Variants in SLC25A16 observed in about 807,000 individuals in gnomAD.
SLC25A16 encodes mitochondrial coenzyme A transporter SLC25A16.
In SLC25A16, 39 loss-of-function variants were observed where a neutral mutation model predicts 41.5. The observed-to-expected ratio is 0.94, with a 90% CI of 0.73 to 1.23. The LOEUF (loss-of-function observed/expected upper bound fraction) is 1.23. Among genes scored for constraint, SLC25A16 ranks in the 50% most tolerant of loss-of-function variants. The pLI is 0.00. For synonymous variants in SLC25A16, 146 were observed against 147.8 expected (o/e 0.99, Z 0.09); for missense variants, 421 against 426.9 (o/e 0.99, Z 0.12).
chr10:68,500,440 T>C (rs1377950992), intron 4 of SLC25A16, among the ~76,000 whole-genome samples: 3 of 152,048 alleles, frequency 2.0e-5, no homozygotes, highest in African/African-American at 7.2e-5. Context: ...CCCACGTATC[T>C]GGGATTACAG....
chr10:68,505,351 G>GAAAGA (rs1192392088), intron 3 of SLC25A16, among the ~76,000 whole-genome samples: 147 of 150,228 alleles, frequency 9.8e-4, no homozygotes, highest in African/African-American at 3.3e-3. Flanking sequence ...TCTCAAAAAA[G>GAAAGA]AAAGAAAAGA....
In SLC25A16 at chr10:68,483,386, T is replaced by C. The variant is rs1453085871; in HGVS notation, c.*46A>G. On this transcript the variant is annotated 3_prime_UTR_variant, in exon 9 of 9. Transcript: ENST00000609923. ...CCCCACAATTATAGTAATGTTTCAT[T>C]TCTCCCTCTGAGAATGTATTAAGAA... 3 of 1,259,712 alleles carry C rather than the reference T, an allele frequency of 2.4e-6. No homozygotes were observed. The African/African-American group carries it at 4.5e-5, about 19-fold the overall frequency. 78.0% of individuals were successfully genotyped at this position (1,259,712 alleles called of 1,614,324 possible).
chr10:68,501,560 G>A (rs1368496333), intron 4 of SLC25A16, among the ~76,000 whole-genome samples: 1 of 151,152 alleles, frequency 6.6e-6, no homozygotes, highest in East Asian at 2.0e-4. Context: ...AGAATGAGGG[G>A]AGGGGAGAGG....
chr10:68,493,628 C>T, intron 4 of SLC25A16, 58 bp from the exon 5 acceptor site: 2 of 1,319,316 alleles, frequency 1.5e-6, no homozygotes, highest in Non-Finnish European at 2.2e-6. Flanking sequence ...ACATATATTC[C>T]CCTATCATTA....
intron 8 of SLC25A16, among the ~76,000 whole-genome samples, chr10:68,484,273 G>A (rs566117229): frequency 6.6e-6 from 1 of 152,098 alleles, no homozygotes; most frequent in Non-Finnish European, 1.5e-5. Flanking sequence ...AACAGCAGGT[G>A]GTTATAGAAC....
intron 4 of SLC25A16, among the ~76,000 whole-genome samples, chr10:68,502,860 A>G (rs2052875766): frequency 3.3e-5 from 1 of 29,930 alleles, no homozygotes; most frequent in Non-Finnish European, 5.8e-5. Flanking sequence ...GGGGAAGGGA[A>G]AGGAGGGGGA....
chr10:68,489,273 C>CACAAAACAAA (rs78729360), intron 6 of SLC25A16, among the ~76,000 whole-genome samples: 3 of 151,674 alleles, frequency 2.0e-5, no homozygotes, highest in East Asian at 3.9e-4. Context: ...CTGTCTCAAA[C>CACAAAACAAA]ACAAAACAAA....
At chr10:68,513,765 C>G (rs2053110739) in intron 2 of SLC25A16, among the ~76,000 whole-genome samples, 1 of 152,042 alleles carries the variant, frequency 6.6e-6, no homozygotes, top group Admixed American at 6.6e-5. Flanking sequence ...TGGCACACCC[C>G]TGTAATCCCA....
chr10:68,486,033 C>T (rs1006933207), intron 8 of SLC25A16, among the ~76,000 whole-genome samples: 8 of 150,968 alleles, frequency 5.3e-5, no homozygotes, highest in South Asian at 2.1e-4. Flanking sequence ...GCCTTGCCAA[C>T]GTGGTGAAAC....
chr10:68,487,479 C>T (rs1363738187), intron 7 of SLC25A16, among the ~76,000 whole-genome samples: 1 of 152,180 alleles, frequency 6.6e-6, no homozygotes, highest in Non-Finnish European at 1.5e-5. Context: ...AATTAAATGC[C>T]AGTTCCTGAA....
chr10:68,490,763 C>T (rs996315127), intron 6 of SLC25A16, among the ~76,000 whole-genome samples: 5 of 151,374 alleles, frequency 3.3e-5, no homozygotes, highest in African/African-American at 7.3e-5. Context: ...AAATGCTAAA[C>T]GTTAAAAATC....
At position 68,527,443 on chromosome 10, in the gene SLC25A16, A is replaced by T. The variant is rs1170395485; in HGVS notation, c.-68T>A. On this transcript the variant is annotated 5_prime_UTR_variant, in exon 1 of 9. Coordinates refer to ENST00000609923, the MANE Select transcript of SLC25A16 (RefSeq NM_152707.4). ...GAACACCGGACGGGACCATAGCCGG[A>T]ACAGGCGGTGACAGGAGGCTGACCG... 6.5e-6 allele frequency: 9 copies of T among 1,392,990 alleles called. No individual in the cohort carries two copies. In the Admixed American group the frequency reaches 9.9e-5, roughly 15 times the overall value. 86.3% of individuals were successfully genotyped at this position (1,392,990 alleles called of 1,614,324 possible). A position where few individuals can be genotyped will look rare whatever the true frequency, so the allele number is the denominator to read the frequency against.
At chr10:68,506,484 AT>A in intron 3 of SLC25A16, 100 bp downstream of exon 3, 1 of 818,640 alleles carries the variant, frequency 1.2e-6, no homozygotes, top group South Asian at 3.6e-5. Context: ...CTTTTTAAAA[AT>A]ATGAAACTTT....
intron 2 of SLC25A16, among the ~76,000 whole-genome samples, chr10:68,513,431 AAG>A (rs2053104395): frequency 6.6e-6 from 1 of 150,982 alleles, no homozygotes; most frequent in African/African-American, 2.5e-5. Flanking sequence ...GGAAAAAAAA[AAG>A]AAAAGAAAAG....
intron 8 of SLC25A16, among the ~76,000 whole-genome samples, chr10:68,486,045 C>A (rs2052554898): frequency 6.6e-6 from 1 of 151,026 alleles, no homozygotes; most frequent in African/African-American, 2.4e-5. Context: ...TGGTGAAACC[C>A]CGTCTCTCCT....
Position 68,482,384 on chromosome 10 carries a change from A to G in SLC25A16, c.*1048T>C, listed in dbSNP as rs1339383877. ...TTAAAACATTTTCTTAATATAAAGG[A>G]TAACAATTCAAATCATATTTTACAT... is the stretch of plus-strand genomic sequence containing the variant. On this transcript the variant is annotated 3_prime_UTR_variant, in exon 9 of 9. Transcript: ENST00000609923. 6.6e-6 allele frequency: 1 copy of G among 152,608 alleles called. No individual in the cohort carries two copies. The highest frequency in any genetic ancestry group is 1.9e-4 in the East Asian group (1 of 5,206). The allele number at this position is 152,608 out of a possible 1,614,324, so 9.5% of individuals were successfully genotyped here.
chr10:68,496,585 T>C (rs1464949472), intron 4 of SLC25A16: 1 of 984,088 alleles, frequency 1.0e-6, no homozygotes, highest in Non-Finnish European at 1.2e-6. Flanking sequence ...AACTCTTCTC[T>C]TTCCCTCTCT....
At chr10:68,500,439 C>G (rs1230810950) in intron 4 of SLC25A16, among the ~76,000 whole-genome samples, 2 of 152,100 alleles carry the variant, frequency 1.3e-5, no homozygotes, top group East Asian at 3.9e-4. Flanking sequence ...TCCCACGTAT[C>G]TGGGATTACA....
intron 6 of SLC25A16, 40 bp from the exon 7 acceptor site, chr10:68,488,669 A>T (rs751778844): frequency 6.6e-7 from 1 of 1,506,908 alleles, no homozygotes; most frequent in South Asian, 1.2e-5. Flanking sequence ...TGCTTAACAT[A>T]ACATGAGCTG....
Sources: allele counts gnomAD v4.1 joint callset (sites outside exome capture counted in the v4.1 genomes callset), GRCh38; gene constraint gnomAD v4.1.1; transcripts MANE v1.5; gene names NCBI Gene and HGNC (gene_info 2026-07-23, HGNC 2026-07-21).